Variants in ELMO1 observed in about 807,000 individuals in gnomAD.
ELMO1 encodes the protein engulfment and cell motility 1, also known as engulfment and cell motility protein 1.
A neutral mutation model predicts 98.9 loss-of-function variants in ELMO1; 26 were observed. The observed-to-expected ratio is 0.26, with a 90% CI of 0.19 to 0.36. The LOEUF (loss-of-function observed/expected upper bound fraction) is 0.36. ELMO1 is among the 10% of genes least tolerant of loss of function. The pLI is 1.00. For missense variants in ELMO1, 627 were observed against 935.2 expected, an observed-to-expected ratio of 0.67 and a Z score of 4.30; for synonymous variants, 346 against 346.0, an observed-to-expected ratio of 1.00 and a Z score of 0.00.
intron 15 of ELMO1, among the ~76,000 whole-genome samples, chr7:37,093,275 A>G (rs1185345295): frequency 2.0e-5 from 3 of 152,196 alleles, no homozygotes; most frequent in Non-Finnish European, 4.4e-5. Flanking sequence ...CCAAAATATA[A>G]TTGGTATTTC....
At chr7:36,890,731 G>A (rs1217026741) in intron 17 of ELMO1, among the ~76,000 whole-genome samples, 1 of 152,112 alleles carries the variant, frequency 6.6e-6, no homozygotes, top group Non-Finnish European at 1.5e-5. Flanking sequence ...TGCTTTCTTA[G>A]TGTCTATTTC....
At chr7:37,124,597 C>T (rs989353001) in intron 14 of ELMO1, among the ~76,000 whole-genome samples, 16 of 152,132 alleles carry the variant, frequency 1.1e-4, no homozygotes, top group African/African-American at 1.2e-4. Flanking sequence ...AGGACCTCTT[C>T]GAGGAGAACA....
chr7:36,943,769 A>T (rs1787249245), intron 16 of ELMO1, among the ~76,000 whole-genome samples: 1 of 152,184 alleles, frequency 6.6e-6, no homozygotes, highest in Non-Finnish European at 1.5e-5. Context: ...ATATTTTCAT[A>T]ACAAAAAGGA....
rs569469650 is a variant in ELMO1 at position 37,355,675 on chromosome 7, A to G, written c.-73-12912T>C. Among the ~76,000 whole-genome samples, 19 of 152,370 alleles carry G rather than the reference A, an allele frequency of 1.2e-4. No individual in the cohort carries two copies. The South Asian group carries it at 3.5e-3, about 28-fold the overall frequency. ...AAGTCACAGAGAATTGCCTGAGCAG[A>G]TGCCCTGATGGAAAATAAGAGAACC... On this transcript the variant is annotated intron_variant, in intron 1 of 21. Transcript: ENST00000310758.
At chr7:37,082,865 A>G (rs193000869) in intron 15 of ELMO1, among the ~76,000 whole-genome samples, 1 of 152,352 alleles carries the variant, frequency 6.6e-6, no homozygotes, top group African/African-American at 2.4e-5. Flanking sequence ...GGAGCCCTTT[A>G]TAACAAGGCC....
At chr7:37,386,738 G>C (rs1802820362) in intron 1 of ELMO1, among the ~76,000 whole-genome samples, 1 of 152,122 alleles carries the variant, frequency 6.6e-6, no homozygotes, top group Non-Finnish European at 1.5e-5. Flanking sequence ...ATGTCAGTCA[G>C]GCGTGCAGCC....
chr7:37,374,999 C>T (rs529303821), intron 1 of ELMO1, among the ~76,000 whole-genome samples: 13 of 152,048 alleles, frequency 8.5e-5, no homozygotes, highest in South Asian at 2.1e-4. Context: ...GTGGAGGTTG[C>T]GGTGGGCTGA....
At chr7:36,993,552 G>A (rs191114514) in intron 16 of ELMO1, among the ~76,000 whole-genome samples, 1 of 152,222 alleles carries the variant, frequency 6.6e-6, no homozygotes, top group East Asian at 1.9e-4. Context: ...TGTGAACCAT[G>A]ACCCCTAAGC....
At chr7:37,416,747 T>C (rs1562677787) in intron 1 of ELMO1, among the ~76,000 whole-genome samples, 1 of 152,230 alleles carries the variant, frequency 6.6e-6, no homozygotes, top group Non-Finnish European at 1.5e-5. Flanking sequence ...GTTCATTTAT[T>C]TCTGTTATAG....
chr7:37,152,118 A>G (rs972193727), intron 13 of ELMO1, among the ~76,000 whole-genome samples: 11 of 152,238 alleles, frequency 7.2e-5, no homozygotes, highest in African/African-American at 2.7e-4. Flanking sequence ...GATGGAGTCA[A>G]AAACTACTAT....
chr7:37,332,649 A>C (rs1481312709), intron 2 of ELMO1, among the ~76,000 whole-genome samples: 2 of 152,244 alleles, frequency 1.3e-5, no homozygotes, highest in African/African-American at 4.8e-5. Context: ...TGGAAGTAGG[A>C]AGAAATTTGT....
chr7:37,374,327 C>T (rs1802238862), intron 1 of ELMO1, among the ~76,000 whole-genome samples: 1 of 152,000 alleles, frequency 6.6e-6, no homozygotes, highest in Non-Finnish European at 1.5e-5. Context: ...ATATTAGCAT[C>T]CAGCTCTCAT....
At chr7:37,030,224 A>G (rs1794803070) in intron 15 of ELMO1, among the ~76,000 whole-genome samples, 1 of 152,224 alleles carries the variant, frequency 6.6e-6, no homozygotes, top group Non-Finnish European at 1.5e-5. Flanking sequence ...AAAAATACTG[A>G]TGAAATTGTT....
chr7:37,448,496 C>G (rs1258423664), intron 1 of ELMO1, among the ~76,000 whole-genome samples, 179 bp downstream of exon 1: 1 of 152,008 alleles, frequency 6.6e-6, no homozygotes, highest in Non-Finnish European at 1.5e-5. Flanking sequence ...CCCTGCCGAG[C>G]GCGGCGGCCA....
In ELMO1 at chr7:37,376,707, T is replaced by C. The variant is rs1006414236; in HGVS notation, c.-73-33944A>G. Among the ~76,000 whole-genome samples, 8 of 152,338 alleles carry C rather than the reference T, an allele frequency of 5.3e-5. 1 individual carries two copies. Among genetic ancestry groups the C allele is most frequent in the Admixed American group, 4.6e-4 (7 of 15,296 alleles). ...CCACCAAATTGTCCTTTAAAAACGC[T>C]AGCCTCCAAGCTCTCAGAGAGGCAG... On this transcript the variant is annotated intron_variant, in intron 1 of 21. Coordinates refer to ENST00000310758, the MANE Select transcript of ELMO1 (RefSeq NM_014800.11).
chr7:37,217,675 C>T (rs143460759), intron 10 of ELMO1: 20 of 456,688 alleles, frequency 4.4e-5, no homozygotes, highest in African/African-American at 3.8e-4. Context: ...AGAGCAGGGC[C>T]CACTTTACGC....
chr7:37,179,405 G>GTA (rs1790705125), intron 13 of ELMO1, among the ~76,000 whole-genome samples: 2 of 151,278 alleles, frequency 1.3e-5, no homozygotes, highest in Non-Finnish European at 2.9e-5. Context: ...AGCCTCCCGA[G>GTA]TATCTGTGAT....
chr7:37,279,059 A>T (rs924953125), intron 4 of ELMO1, among the ~76,000 whole-genome samples: 3 of 152,104 alleles, frequency 2.0e-5, no homozygotes, highest in African/African-American at 7.2e-5. Flanking sequence ...AAAATTAGCC[A>T]GGCGTGGTGG....
intron 1 of ELMO1, among the ~76,000 whole-genome samples, chr7:37,409,929 CAGT>C (rs1429605281): frequency 6.6e-6 from 1 of 152,202 alleles, no homozygotes. Flanking sequence ...CAATCTACCA[CAGT>C]AAATATTATC....
Sources: gnomAD v4.1 joint callset for allele counts (sites outside exome capture counted in the v4.1 genomes callset) on GRCh38, gnomAD v4.1.1 for gene constraint, MANE v1.5 for transcripts, NCBI Gene and HGNC (gene_info 2026-07-23, HGNC 2026-07-21) for gene names.